The following TENM1 variants were observed in gnomAD, a reference collection of about 807,000 sequenced individuals.
TENM1 encodes the protein teneurin transmembrane protein 1, also known as teneurin-1.
A neutral mutation model predicts 174.8 loss-of-function variants in TENM1; 35 were observed. The observed-to-expected ratio is 0.20, with a 90% confidence interval of 0.15 to 0.27. The LOEUF is 0.27. Among genes scored for constraint, TENM1 ranks in the 10% least tolerant of loss-of-function variants. The pLI is 1.00. For missense variants in TENM1, 1,633 were observed against 2,130.1 expected (o/e 0.77, Z 4.59); for synonymous variants, 781 against 798.7 (o/e 0.98, Z 0.37).
chrX:124,939,369 A>T (rs2058292693), intron 1 of TENM1, among the ~76,000 whole-genome samples: 1 of 111,599 alleles, frequency 9.0e-6, no homozygotes, highest in Non-Finnish European at 1.9e-5. Context: ...GTCTTTCAAC[A>T]GCATTACCTC....
At chrX:124,919,113 T>C (rs1442066060) in intron 1 of TENM1, among the ~76,000 whole-genome samples, 1 of 112,256 alleles carries the variant, frequency 8.9e-6, no homozygotes, top group Non-Finnish European at 1.9e-5. Flanking sequence ...AAAGTTAACC[T>C]GGCCCTCTCC....
At chrX:124,501,853 G>C (rs2047338552) in intron 19 of TENM1, among the ~76,000 whole-genome samples, 1 of 111,934 alleles carries the variant, frequency 8.9e-6, no homozygotes, top group Non-Finnish European at 1.9e-5. Context: ...AGGTCAGGCT[G>C]AAAGGCAGCA....
In TENM1 at chrX:124,585,688, G is replaced by T. The variant is rs2035297372; in HGVS notation, c.2078-20128C>A. Among the ~76,000 whole-genome samples, 5 of 110,973 alleles carry T rather than the reference G, an allele frequency of 4.5e-5. No homozygotes were observed. The Admixed American group carries it at 4.8e-4, about 11-fold the overall frequency. On this transcript the variant is annotated intron_variant, in intron 11 of 31. Transcript: ENST00000422452. ...AGAAGGCAAGAAATAACTAAAATTA[G>T]AGCAGAACTGAAGGAAATAGAGACA...
At chrX:124,392,891 T>A (rs1261559956) in intron 27 of TENM1, among the ~76,000 whole-genome samples, 1 of 111,563 alleles carries the variant, frequency 9.0e-6, no homozygotes, top group African/African-American at 3.3e-5. Context: ...TGCCTTGCCC[T>A]CTAGTTATGG....
chrX:124,585,898 A>G (rs1048828038), intron 11 of TENM1, among the ~76,000 whole-genome samples: 6 of 111,188 alleles, frequency 5.4e-5, no homozygotes, highest in African/African-American at 2.0e-4. Flanking sequence ...ATCAGGGAAT[A>G]CTACAGATAC....
At chrX:125,174,495 G>T in the TENM1 span, among the ~76,000 whole-genome samples, 1 of 111,477 alleles carries the variant, frequency 9.0e-6, no homozygotes, top group Non-Finnish European at 1.9e-5. Flanking sequence ...GGTGATATGG[G>T]TAAGCAAAGG....
At chrX:124,557,784 C>A (rs988722217) in intron 14 of TENM1, among the ~76,000 whole-genome samples, 1 of 111,901 alleles carries the variant, frequency 8.9e-6, no homozygotes, top group South Asian at 3.6e-4. Flanking sequence ...ATAGTTCTAT[C>A]TTTCACTATT....
chrX:125,048,967 G>A, the TENM1 span, among the ~76,000 whole-genome samples: 2,875 of 111,485 alleles, frequency 0.026, 59 homozygotes, highest in African/African-American at 0.071. Flanking sequence ...TAATAGTACC[G>A]ATGTACATAT....
chrX:124,449,928 T>G (rs142801613), intron 23 of TENM1, among the ~76,000 whole-genome samples: 2 of 110,968 alleles, frequency 1.8e-5, no homozygotes, highest in East Asian at 5.7e-4. Context: ...CAGGAGATCT[T>G]AGAGTCAATG....
rs1247546325 is a variant in TENM1, at chrX:124,713,263, C to CA, written c.777-8013dup. On this transcript the variant is annotated intron_variant, in intron 4 of 31. Transcript: ENST00000422452. The stretch of plus-strand genomic sequence containing the variant: ...TCTAGATCGTTACTATCGTGATTTG[C>CA]AAAAAAAATTTTTTTTTTTTTTGAG... 1.2e-3 allele frequency among the ~76,000 whole-genome samples: 128 copies of CA among 109,725 alleles called. 1 individual carries two copies. The highest frequency in any genetic ancestry group is 3.5e-3 in the African/African-American group (106 of 29,992).
chrX:124,611,335 T>C (rs2148305589), intron 11 of TENM1, among the ~76,000 whole-genome samples: 1 of 111,951 alleles, frequency 8.9e-6, no homozygotes, highest in South Asian at 3.7e-4. Flanking sequence ...GATGCCTAAC[T>C]GAAATGGCAC....
At chrX:124,497,787 C>T (rs2047234573) in intron 19 of TENM1, among the ~76,000 whole-genome samples, 1 of 112,049 alleles carries the variant, frequency 8.9e-6, no homozygotes, top group Non-Finnish European at 1.9e-5. Context: ...TGCTAGAATG[C>T]ACTTCAAAGA....
the TENM1 span, among the ~76,000 whole-genome samples, chrX:125,045,952 T>C: frequency 9.0e-6 from 1 of 111,697 alleles, no homozygotes; most frequent in Non-Finnish European, 1.9e-5. Flanking sequence ...ACATATTCTC[T>C]TTTTTTTCTC....
At chrX:125,057,929 A>C in the TENM1 span, among the ~76,000 whole-genome samples, 1 of 112,120 alleles carries the variant, frequency 8.9e-6, no homozygotes, top group Non-Finnish European at 1.9e-5. Flanking sequence ...TGGACTATTC[A>C]AAAAATAAGT....
intron 3 of TENM1, among the ~76,000 whole-genome samples, chrX:124,787,015 T>A (rs1432835943): frequency 9.0e-6 from 1 of 111,520 alleles, no homozygotes; most frequent in East Asian, 2.8e-4. Context: ...CTCACGGGAG[T>A]CTTATACTTT....
intron 3 of TENM1, among the ~76,000 whole-genome samples, chrX:124,739,189 C>T (rs1163508408): frequency 2.9e-5 from 3 of 103,888 alleles, no homozygotes; most frequent in Non-Finnish European, 5.7e-5. Context: ...AGCTTTAACC[C>T]CTCATTTGTA....
At chrX:124,463,287 T>C (rs2061199788) in intron 22 of TENM1, among the ~76,000 whole-genome samples, 1 of 111,933 alleles carries the variant, frequency 8.9e-6, no homozygotes, top group South Asian at 3.8e-4. Flanking sequence ...ACTTATATAC[T>C]ACCTACTACA....
intron 1 of TENM1, among the ~76,000 whole-genome samples, chrX:124,898,173 G>A (rs756845905): frequency 1.8e-3 from 199 of 111,380 alleles, no homozygotes; most frequent in African/African-American, 5.6e-3. Flanking sequence ...ACTCCCATCC[G>A]TGCCTTCCAA....
intron 3 of TENM1, among the ~76,000 whole-genome samples, chrX:124,885,867 C>A (rs5911914): frequency 0.44 from 48,820 of 110,038 alleles, 9,570 homozygotes; most frequent in African/African-American, 0.76. Context: ...TATATGAAAA[C>A]AAATTCAACT....
Sources: allele counts gnomAD v4.1 joint callset (sites outside exome capture counted in the v4.1 genomes callset), GRCh38; gene constraint gnomAD v4.1.1; transcripts MANE v1.5; gene names NCBI Gene and HGNC (gene_info 2026-07-23, HGNC 2026-07-21).